ZNF618: variants seen among roughly 807,000 people sequenced by gnomAD.
ZNF618 encodes neural precursor cell expressed, developmentally down-regulated 10.
A neutral mutation model predicts 103.0 loss-of-function variants in ZNF618; 34 were observed. The ratio of observed to expected loss-of-function variants is 0.33; its 90% CI spans 0.25 to 0.44. The LOEUF (loss-of-function observed/expected upper bound fraction) is 0.44. ZNF618 is among the 20% of genes least tolerant of loss of function. The pLI is 1.00. For synonymous variants in ZNF618, 551 were observed against 542.2 expected (o/e 1.02, Z -0.23); for missense variants, 1,059 against 1,295.4 (o/e 0.82, Z 2.80).
chr9:114,048,421 A>G (rs1250863514), intron 14 of ZNF618, among the ~76,000 whole-genome samples: 1 of 152,240 alleles, frequency 6.6e-6, no homozygotes, highest in Non-Finnish European at 1.5e-5. Flanking sequence ...TGTTGCATAC[A>G]TACCACTACA....
At chr9:113,965,872 T>C (rs1837357150) in intron 1 of ZNF618, among the ~76,000 whole-genome samples, 1 of 152,160 alleles carries the variant, frequency 6.6e-6, no homozygotes, top group Non-Finnish European at 1.5e-5. Context: ...CTTAGTACTT[T>C]AGTGACATTA....
chr9:114,013,303 AG>A (rs1842403718), intron 9 of ZNF618, among the ~76,000 whole-genome samples: 1 of 152,270 alleles, frequency 6.6e-6, no homozygotes, highest in South Asian at 2.1e-4. Context: ...AGAAATTCAT[AG>A]TATAAGAGGA....
intron 1 of ZNF618, among the ~76,000 whole-genome samples, chr9:113,966,656 C>T (rs778574279): frequency 9.2e-5 from 14 of 152,162 alleles, no homozygotes; most frequent in South Asian, 2.1e-4. Context: ...CAGGCCCACA[C>T]GCTGTGATTG....
chr9:113,964,192 G>A (rs1588167603), intron 1 of ZNF618, among the ~76,000 whole-genome samples: 1 of 152,134 alleles, frequency 6.6e-6, no homozygotes. Flanking sequence ...GGACTGTGAG[G>A]CCCCCACATT....
intron 1 of ZNF618, among the ~76,000 whole-genome samples, chr9:113,926,382 C>G (rs1285813184): frequency 6.6e-6 from 1 of 151,822 alleles, no homozygotes; most frequent in East Asian, 1.9e-4. Context: ...GCTTGGTGCT[C>G]TCTGAGCTTC....
chr9:114,016,991 C>G, intron 10 of ZNF618: 1 of 571,744 alleles, frequency 1.7e-6, no homozygotes, highest in South Asian at 2.1e-5. Context: ...TAAGCCAGAG[C>G]AGAGTCCGAG....
At chr9:113,998,386 C>A (rs546197434) in intron 4 of ZNF618, 32 bp downstream of exon 4, 2 of 1,538,038 alleles carry the variant, frequency 1.3e-6, no homozygotes, top group East Asian at 4.9e-5. Flanking sequence ...GTGCCTGATC[C>A]GGGGCCAGTA....
chr9:113,897,442 T>A (rs1375599911), intron 1 of ZNF618, among the ~76,000 whole-genome samples: 1 of 152,226 alleles, frequency 6.6e-6, no homozygotes, highest in Admixed American at 6.5e-5. Flanking sequence ...TTTTTCACCC[T>A]TGAAATTTGA....
intron 1 of ZNF618, among the ~76,000 whole-genome samples, chr9:113,909,877 T>A (rs1289678371): frequency 6.6e-6 from 1 of 151,796 alleles, no homozygotes; most frequent in Non-Finnish European, 1.5e-5. Flanking sequence ...CTCTGCCTCC[T>A]GGGTTCAAGT....
At chr9:114,018,560 G>A (rs1306070089) in intron 10 of ZNF618, among the ~76,000 whole-genome samples, 1 of 152,210 alleles carries the variant, frequency 6.6e-6, no homozygotes, top group Non-Finnish European at 1.5e-5. Flanking sequence ...GGGGAGCTTG[G>A]CTTTGAATTC....
intron 1 of ZNF618, among the ~76,000 whole-genome samples, chr9:113,879,005 CT>C (rs879800251): frequency 8.2e-4 from 116 of 142,042 alleles, no homozygotes; most frequent in South Asian, 1.4e-3. Flanking sequence ...TTGGAATGAG[CT>C]TTTTTTTTTT....
intron 3 of ZNF618, 83 bp from the exon 4 acceptor site, chr9:113,998,176 A>G (rs1840807559): frequency 4.8e-5 from 62 of 1,278,708 alleles, no homozygotes; most frequent in Non-Finnish European, 6.7e-5. Flanking sequence ...CGCTTCTCAA[A>G]GTGCAGCCAA....
intron 4 of ZNF618, among the ~76,000 whole-genome samples, chr9:114,000,511 T>TCGTTAG (rs1564279496): frequency 2.6e-4 from 22 of 84,796 alleles, no homozygotes; most frequent in African/African-American, 5.4e-4. Flanking sequence ...TCATTAGCCA[T>TCGTTAG]CGTTAGTGTA....
intron 1 of ZNF618, among the ~76,000 whole-genome samples, chr9:113,898,040 G>A (rs1011715292): frequency 3.3e-5 from 5 of 152,128 alleles, no homozygotes; most frequent in Admixed American, 1.3e-4. Flanking sequence ...TGATCCACCC[G>A]CCTCAGCCTC....
intron 13 of ZNF618, among the ~76,000 whole-genome samples, chr9:114,045,845 A>G (rs1433755034): frequency 6.6e-6 from 1 of 151,848 alleles, no homozygotes; most frequent in East Asian, 1.9e-4. Context: ...ATATTTTAAC[A>G]GTAAGTCTTC....
chr9:114,028,231 C>T (rs10759679), intron 10 of ZNF618: 58,692 of 157,998 alleles, frequency 0.37, 12,164 homozygotes, highest in African/African-American at 0.55. Context: ...ATGAGAGCAA[C>T]AGTTCCCAGT....
chr9:114,049,594 C>T lies in ZNF618; in HGVS notation c.2292C>T (p.Tyr764=), dbSNP rs536839740. Residue 764 remains tyrosine, a synonymous_variant, in exon 15 of 15, where the codon TAC becomes TAT. Transcript: ENST00000374126. ...CCCTGCAGCTGGTGCTGCCCACCTA[C>T]GTCAGGCTGGAGAAGCTGTTCACGG... The part of the protein sequence containing the change: ...QPTLQLVLPT[Y]VRLEKLFTAK... The T allele has an allele frequency of 2.4e-5, 39 of 1,613,872 alleles. No individual in the cohort carries two copies. Among genetic ancestry groups the T allele is most frequent in the African/African-American group, 2.1e-4 (16 of 75,082 alleles).
intron 1 of ZNF618, among the ~76,000 whole-genome samples, chr9:113,906,268 TG>T (rs1267427180): frequency 2.6e-5 from 4 of 152,102 alleles, no homozygotes; most frequent in Non-Finnish European, 5.9e-5. Context: ...GCAGGGGTTG[TG>T]GGGATAGATG....
At chr9:113,934,662 T>C (rs377276406) in intron 1 of ZNF618, among the ~76,000 whole-genome samples, 1 of 152,232 alleles carries the variant, frequency 6.6e-6, no homozygotes, top group Non-Finnish European at 1.5e-5. Flanking sequence ...GAGAGAAATG[T>C]ACCCGGTTGG....
Sources: gnomAD v4.1 joint callset for allele counts (sites outside exome capture counted in the v4.1 genomes callset) on GRCh38, gnomAD v4.1.1 for gene constraint, MANE v1.5 for transcripts, NCBI Gene and HGNC (gene_info 2026-07-23, HGNC 2026-07-21) for gene names.